The following ADGRB3 variants were observed in gnomAD, a reference collection of about 807,000 sequenced individuals.
ADGRB3 encodes the protein adhesion G protein-coupled receptor B3.
A neutral mutation model predicts 193.4 loss-of-function variants in ADGRB3; 37 were observed. The ratio of observed to expected loss-of-function variants is 0.19; its 90% CI spans 0.15 to 0.25. The LOEUF is 0.25. ADGRB3 is among the 10% of genes least tolerant of loss of function. ADGRB3 has a pLI of 1.00. For synonymous variants in ADGRB3, 690 were observed against 644.2 expected (o/e 1.07, Z -1.08); for missense variants, 1,637 against 1,852.9 (o/e 0.88, Z 2.14).
intron 13 of ADGRB3, among the ~76,000 whole-genome samples, chr6:69,018,760 T>C (rs1562123861): frequency 1.3e-5 from 2 of 152,028 alleles, no homozygotes; most frequent in Non-Finnish European, 2.9e-5. Flanking sequence ...TACATGTATA[T>C]GTAGGATAAT....
At chr6:69,370,120 C>T (rs1451282888) in intron 29 of ADGRB3, among the ~76,000 whole-genome samples, 2 of 152,154 alleles carry the variant, frequency 1.3e-5, no homozygotes. Flanking sequence ...AACTCATTTG[C>T]TTACCACACA....
Position 69,100,850 on chromosome 6 carries a change from GAGGGAAGGAAGGAAGGAAGGAAGAAGGA to G in ADGRB3, c.2480+24818_2480+24845del, listed in dbSNP as rs1773016925. On this transcript the variant is annotated intron_variant, in intron 17 of 31. Coordinates refer to ENST00000370598, the MANE Select transcript of ADGRB3 (RefSeq NM_001704.3). Reference sequence around the variant, plus strand: ...AGAAGGAAGGAAGGAAGGAGGGAGGGAGGGAAGGAAGGAAGGAAGGAAGAAGGAAGGGAGGGAAGGAAGGAAGGAAGAA... The same window carrying G: ...AGAAGGAAGGAAGGAAGGAGGGAGGGAGGGAGGGAAGGAAGGAAGGAAGAA... 8.3e-4 allele frequency among the ~76,000 whole-genome samples: 9 copies of G among 10,906 alleles called. No homozygotes were observed. The South Asian group carries it at 0.021, about 26-fold the overall frequency. 7.2% of individuals were successfully genotyped at this position (10,906 alleles called of 152,430 possible). A position where few individuals can be genotyped will look rare whatever the true frequency, so the allele number is the denominator to read the frequency against.
intron 3 of ADGRB3, among the ~76,000 whole-genome samples, chr6:68,924,110 A>G (rs1035101985): frequency 6.6e-6 from 1 of 152,104 alleles, no homozygotes; most frequent in Non-Finnish European, 1.5e-5. Flanking sequence ...TCTCATCACC[A>G]ACAAATAAAA....
chr6:68,868,084 G>A (rs562091413), intron 3 of ADGRB3, among the ~76,000 whole-genome samples: 38 of 152,176 alleles, frequency 2.5e-4, no homozygotes, highest in Non-Finnish European at 4.7e-4. Flanking sequence ...GATTTGAGAG[G>A]TACTAGGGGT....
At chr6:68,829,735 A>G (rs1357787013) in intron 3 of ADGRB3, among the ~76,000 whole-genome samples, 2 of 152,226 alleles carry the variant, frequency 1.3e-5, no homozygotes, top group African/African-American at 4.8e-5. Flanking sequence ...GAATTGAAGC[A>G]TAATTAAAAC....
At chr6:68,853,344 T>G (rs1392458830) in intron 3 of ADGRB3, among the ~76,000 whole-genome samples, 13 of 152,076 alleles carry the variant, frequency 8.5e-5, no homozygotes, top group Non-Finnish European at 1.9e-4. Context: ...TCAAAAGATT[T>G]TAAAGCTTGA....
At chr6:69,116,853 T>C (rs1773545306) in intron 17 of ADGRB3, among the ~76,000 whole-genome samples, 1 of 152,242 alleles carries the variant, frequency 6.6e-6, no homozygotes, top group Admixed American at 6.5e-5. Flanking sequence ...CTAATGTGCC[T>C]GGCTGATATG....
chr6:69,298,358 C>T (rs748652209), intron 20 of ADGRB3, among the ~76,000 whole-genome samples: 6 of 151,672 alleles, frequency 4.0e-5, no homozygotes, highest in East Asian at 1.9e-4. Context: ...TTAATTTTTA[C>T]GTATATATAA....
Position 68,974,803 on chromosome 6 carries a change from G to A in ADGRB3, c.1566G>A (p.Met522Ile), listed in dbSNP as rs772425205. 6.2e-7 allele frequency: 1 copy of A among 1,613,958 alleles called. No homozygotes were observed. The highest frequency in any genetic ancestry group is 8.5e-7 in the Non-Finnish European group (1 of 1,179,938). The change falls in exon 9 of 32, where the codon ATG (methionine) becomes ATA (isoleucine). Residue 522 changes from methionine (M) to isoleucine (I), a missense_variant. Coordinates refer to ENST00000370598, the MANE Select transcript of ADGRB3 (RefSeq NM_001704.3). ...EICPEDYLMS[M>I]VWKRTPAGDL... ...GCCCTGAGGATTATCTGATGTCGAT[G>A]GTGTGGAAAAGAACTCCAGCAGGCG...
chr6:68,835,504 T>A (rs1374925239), intron 3 of ADGRB3, among the ~76,000 whole-genome samples: 1 of 152,148 alleles, frequency 6.6e-6, no homozygotes, highest in Non-Finnish European at 1.5e-5. Context: ...TCTACATGAC[T>A]TATTAAGGAA....
At chr6:68,708,576 C>T (rs1486778203) in intron 3 of ADGRB3, among the ~76,000 whole-genome samples, 1 of 152,094 alleles carries the variant, frequency 6.6e-6, no homozygotes, top group Non-Finnish European at 1.5e-5. Flanking sequence ...AAACATGTCA[C>T]GTGGTTAGAT....
At chr6:68,911,684 C>G (rs1176058968) in intron 3 of ADGRB3, among the ~76,000 whole-genome samples, 1 of 152,196 alleles carries the variant, frequency 6.6e-6, no homozygotes, top group Non-Finnish European at 1.5e-5. Flanking sequence ...GGGCATTTAA[C>G]TCTACTACTT....
intron 3 of ADGRB3, among the ~76,000 whole-genome samples, chr6:68,654,336 C>T (rs1768442191): frequency 6.6e-6 from 1 of 151,946 alleles, no homozygotes; most frequent in South Asian, 2.1e-4. Flanking sequence ...TTCTACGTGG[C>T]TGTGCCTTCC....
intron 17 of ADGRB3, among the ~76,000 whole-genome samples, chr6:69,185,692 A>G (rs1765052259): frequency 6.6e-6 from 1 of 152,196 alleles, no homozygotes. Context: ...ATTGAAGAAA[A>G]TAAAATATGT....
chr6:68,638,248 CAG>C (rs1031897633), intron 2 of ADGRB3, among the ~76,000 whole-genome samples: 19 of 152,092 alleles, frequency 1.2e-4, no homozygotes, highest in Non-Finnish European at 1.5e-4. Flanking sequence ...CCGCAGAGGA[CAG>C]AGAGAGAAAA....
chr6:69,050,368 G>C (rs747796321), intron 15 of ADGRB3, among the ~76,000 whole-genome samples: 2 of 152,158 alleles, frequency 1.3e-5, no homozygotes, highest in Admixed American at 1.3e-4. Context: ...TTCAACCATA[G>C]AGACAGCCAT....
Position 69,014,018 on chromosome 6 carries a change from T to G in ADGRB3, c.1930-20T>G, listed in dbSNP as rs942728115. 2.7e-6 allele frequency: 4 copies of G among 1,462,400 alleles called. No individual in the cohort carries two copies. The highest frequency in any genetic ancestry group is 3.8e-6 in the Non-Finnish European group (4 of 1,063,688). 90.6% of individuals were successfully genotyped at this position (1,462,400 alleles called of 1,614,324 possible). On this transcript the variant is annotated intron_variant, in intron 11 of 31. Coordinates refer to ENST00000370598, the MANE Select transcript of ADGRB3 (RefSeq NM_001704.3). ...ATTCTCTCATGTAATATTAAATCTTTTATCTAATTTAATTTACAGAACTTC... is the reference window on the plus strand; with the variant it reads ...ATTCTCTCATGTAATATTAAATCTTGTATCTAATTTAATTTACAGAACTTC...
At chr6:68,752,057 G>A (rs995109171) in intron 3 of ADGRB3, among the ~76,000 whole-genome samples, 68 of 152,002 alleles carry the variant, frequency 4.5e-4, no homozygotes, top group African/African-American at 1.6e-3. Flanking sequence ...TATAAGAAAA[G>A]CTTTTTAGCT....
At chr6:69,000,151 GTTAC>G (rs1769525094) in intron 11 of ADGRB3, among the ~76,000 whole-genome samples, 1 of 152,062 alleles carries the variant, frequency 6.6e-6, no homozygotes. Context: ...CTTCAGGCAT[GTTAC>G]TTAATCTTTG....
Sources: allele counts gnomAD v4.1 joint callset (sites outside exome capture counted in the v4.1 genomes callset), GRCh38; gene constraint gnomAD v4.1.1; transcripts MANE v1.5; gene names NCBI Gene and HGNC (gene_info 2026-07-23, HGNC 2026-07-21).